Variants in TUSC3 observed in about 807,000 individuals in gnomAD.
TUSC3 encodes the protein dolichyl-diphosphooligosaccharide--protein glycosyltransferase subunit TUSC3.
Under a neutral mutation model 44.8 loss-of-function variants are expected in TUSC3, and 45 were observed. The observed-to-expected ratio is 1.00, with a 90% confidence interval of 0.79 to 1.29. The LOEUF (loss-of-function observed/expected upper bound fraction) is 1.29, where lower values mean the gene tolerates loss of function less well. TUSC3 is among the 50% of genes most tolerant of loss of function. The pLI is 0.00. For missense variants in TUSC3, 519 were observed against 437.9 expected, an observed-to-expected ratio of 1.19 and a Z score of -1.65; for synonymous variants, 212 against 152.9, an observed-to-expected ratio of 1.39 and a Z score of -2.85.
At chr8:15,497,629 T>C (rs1250567668) in intron 2 of TUSC3, among the ~76,000 whole-genome samples, 3 of 152,198 alleles carry the variant, frequency 2.0e-5, no homozygotes, top group African/African-American at 7.2e-5. Context: ...TAGACAATTA[T>C]GTTGTGGAGT....
At chr8:15,648,725 C>CCAAAAAA (rs1806744703) in intron 2 of TUSC3, among the ~76,000 whole-genome samples, 3 of 26,152 alleles carry the variant, frequency 1.1e-4, no homozygotes, top group Non-Finnish European at 2.0e-4. Context: ...GACTCTGTGT[C>CCAAAAAA]AAAAAAAAAA....
intron 2 of TUSC3, among the ~76,000 whole-genome samples, chr8:15,631,103 G>A (rs1351737391): frequency 1.3e-5 from 2 of 152,192 alleles, no homozygotes; most frequent in East Asian, 1.9e-4. Flanking sequence ...GCAAGACTGG[G>A]GAAGTGTCAT....
chr8:15,530,689 C>T, intron 2 of TUSC3, among the ~76,000 whole-genome samples: 1 of 152,172 alleles, frequency 6.6e-6, no homozygotes, highest in East Asian at 1.9e-4. Context: ...CGGAAACAAA[C>T]ATATTTTCAA....
chr8:15,600,751 G>A (rs778935631), intron 1 of TUSC3, among the ~76,000 whole-genome samples: 7 of 151,630 alleles, frequency 4.6e-5, no homozygotes, highest in Non-Finnish European at 7.4e-5. Flanking sequence ...AACTAGTTAA[G>A]CTACTAGCTG....
chr8:15,709,063 G>A (rs1297476240), intron 6 of TUSC3, among the ~76,000 whole-genome samples: 6 of 151,852 alleles, frequency 4.0e-5, no homozygotes, highest in Non-Finnish European at 7.4e-5. Flanking sequence ...AAGCTTGGAA[G>A]GCAGATATAA....
the TUSC3 span, among the ~76,000 whole-genome samples, chr8:15,777,118 C>T: frequency 6.6e-6 from 1 of 152,218 alleles, no homozygotes; most frequent in Admixed American, 6.5e-5. Flanking sequence ...ACAAAGAAGA[C>T]TTTTCCTGGC....
rs565152726 is a variant in TUSC3 at position 15,556,257 on chromosome 8, T to A, written c.138+15689T>A. 2.8e-3 allele frequency among the ~76,000 whole-genome samples: 408 copies of A among 145,448 alleles called. 1 individual carries two copies. Among genetic ancestry groups the A allele is most frequent in the African/African-American group, 9.6e-3 (383 of 40,016 alleles). Reference sequence around the variant, plus strand: ...CACCTATGAGTGAGAATATGCGGTGTTTGGTTTTTTGTTCTTGAGATAGTT... The same window carrying A: ...CACCTATGAGTGAGAATATGCGGTGATTGGTTTTTTGTTCTTGAGATAGTT... On this transcript the variant is annotated intron_variant, in intron 1 of 10. Transcript: ENST00000503731.
intron 2 of TUSC3, among the ~76,000 whole-genome samples, chr8:15,511,451 A>G (rs756996847): frequency 6.6e-5 from 10 of 152,232 alleles, no homozygotes; most frequent in East Asian, 1.9e-4. Context: ...CTCAAAGTCA[A>G]TATACAAAAA....
At chr8:15,813,243 G>A in the TUSC3 span, among the ~76,000 whole-genome samples, 3 of 152,190 alleles carry the variant, frequency 2.0e-5, no homozygotes, top group Admixed American at 2.0e-4. Context: ...AAAATGCAGT[G>A]TGGAACTAGA....
chr8:15,542,504 G>A (rs1563280685), intron 1 of TUSC3, among the ~76,000 whole-genome samples: 1 of 151,834 alleles, frequency 6.6e-6, no homozygotes, highest in Non-Finnish European at 1.5e-5. Flanking sequence ...GGAGAAGAGG[G>A]GCCCTTTCAG....
At chr8:15,619,420 G>A (rs1805142450) in intron 1 of TUSC3, among the ~76,000 whole-genome samples, 1 of 151,976 alleles carries the variant, frequency 6.6e-6, no homozygotes, top group African/African-American at 2.4e-5. Context: ...TAAGCAGAAA[G>A]AAAACAATTT....
rs1463062572 is a variant in TUSC3, at chr8:15,716,296, T to A, written c.799-14370T>A. ...AAAATTCTAATTGAAGTTTTGTGAATGTTCTTGTTTTCATTAATACATATT... is the reference window on the plus strand; with the variant it reads ...AAAATTCTAATTGAAGTTTTGTGAAAGTTCTTGTTTTCATTAATACATATT... On this transcript the variant is annotated intron_variant, in intron 6 of 10. Coordinates refer to ENST00000503731, the MANE Select transcript of TUSC3 (RefSeq NM_006765.4). Among the ~76,000 whole-genome samples, 4 of 152,074 alleles carry A rather than the reference T, an allele frequency of 2.6e-5. No homozygotes were observed. The East Asian group carries it at 7.7e-4, about 29-fold the overall frequency.
intron 1 of TUSC3, among the ~76,000 whole-genome samples, chr8:15,460,815 T>G (rs1800335442): frequency 6.6e-6 from 1 of 152,150 alleles, no homozygotes; most frequent in Non-Finnish European, 1.5e-5. Context: ...TTTTGTTTGC[T>G]TTGTCAAAGA....
chr8:15,441,895 G>C (rs1381690935), intron 1 of TUSC3, among the ~76,000 whole-genome samples: 2 of 152,080 alleles, frequency 1.3e-5, no homozygotes, highest in Admixed American at 6.5e-5. Flanking sequence ...CTATATGAAT[G>C]GATCTTGTAT....
the TUSC3 span, among the ~76,000 whole-genome samples, chr8:15,800,074 A>G: frequency 6.6e-6 from 1 of 152,206 alleles, no homozygotes; most frequent in East Asian, 1.9e-4. Flanking sequence ...TCTATCTTCC[A>G]AAGTTGTAAG....
intron 10 of TUSC3, among the ~76,000 whole-genome samples, chr8:15,759,120 C>T (rs1004573976): frequency 3.3e-5 from 5 of 152,146 alleles, no homozygotes; most frequent in Non-Finnish European, 7.4e-5. Flanking sequence ...CAGTGAGTTA[C>T]ACTACCCACA....
chr8:15,730,318 G>C (rs1271383827), intron 6 of TUSC3, among the ~76,000 whole-genome samples: 2 of 152,056 alleles, frequency 1.3e-5, no homozygotes, highest in Non-Finnish European at 2.9e-5. Flanking sequence ...TTATTTTAAA[G>C]GATGAAAAAT....
intron 1 of TUSC3, among the ~76,000 whole-genome samples, chr8:15,451,087 G>A (rs1035137296): frequency 6.6e-6 from 1 of 152,030 alleles, no homozygotes; most frequent in Admixed American, 6.6e-5. Context: ...CATAATGCTG[G>A]GTCATGACCC....
intron 1 of TUSC3, among the ~76,000 whole-genome samples, chr8:15,581,120 G>A (rs1280303186): frequency 0.01 from 1,098 of 106,950 alleles, 2 homozygotes; most frequent in African/African-American, 0.017. Context: ...CGGCTCCTGA[G>A]GCTTCTGCAT....
Sources: allele counts gnomAD v4.1 joint callset (sites outside exome capture counted in the v4.1 genomes callset), GRCh38; gene constraint gnomAD v4.1.1; transcripts MANE v1.5; gene names NCBI Gene and HGNC (gene_info 2026-07-23, HGNC 2026-07-21).